The following ADAM29 variants were observed in gnomAD, a reference collection of about 807,000 sequenced individuals.
The protein encoded by ADAM29 is ADAM metallopeptidase domain 29.
For missense variants in ADAM29, 969 were observed against 1,001.8 expected, an observed-to-expected ratio of 0.97 and a Z score of 0.44; for synonymous variants, 367 against 342.3, an observed-to-expected ratio of 1.07 and a Z score of -0.80.
At chr4:174,926,018 T>A (rs998106450) in intron 2 of ADAM29, among the ~76,000 whole-genome samples, 1 of 152,232 alleles carries the variant, frequency 6.6e-6, no homozygotes, top group African/African-American at 2.4e-5. Flanking sequence ...CTTTATTTCC[T>A]ATTTTGTGTA....
At chr4:174,947,784 C>T (rs1744938046) in intron 4 of ADAM29, among the ~76,000 whole-genome samples, 1 of 152,130 alleles carries the variant, frequency 6.6e-6, no homozygotes, top group Non-Finnish European at 1.5e-5. Flanking sequence ...AGATCATGTC[C>T]TGAATAACTT....
At chr4:174,954,341 CAT>C (rs531658992) in intron 4 of ADAM29, among the ~76,000 whole-genome samples, 29 of 152,252 alleles carry the variant, frequency 1.9e-4, no homozygotes, top group African/African-American at 5.5e-4. Context: ...AAACCAGACA[CAT>C]GTTTGAATCC....
intron 4 of ADAM29, among the ~76,000 whole-genome samples, chr4:174,965,508 T>TATCTATCTATC (rs1462507643): frequency 1.5e-4 from 23 of 151,864 alleles, no homozygotes; most frequent in African/African-American, 4.6e-4. Context: ...TCTATCTATC[T>TATCTATCTATC]ATCTATCTAT....
At chr4:174,950,458 C>G (rs1347930365) in intron 4 of ADAM29, among the ~76,000 whole-genome samples, 7 of 152,224 alleles carry the variant, frequency 4.6e-5, no homozygotes, top group African/African-American at 1.7e-4. Context: ...TCTCTGACTT[C>G]TCTACTGGAC....
rs1459625244 is a variant in ADAM29 at position 174,976,003 on chromosome 4, T to C, written c.478T>C (p.Ser160Pro). 6.2e-7 allele frequency: 1 copy of C among 1,613,762 alleles called. No individual in the cohort carries two copies. The highest frequency in any genetic ancestry group is 8.5e-7 in the Non-Finnish European group (1 of 1,179,988). ...YKMDSEEKQF[S>P]TMRSGFMQNE... ...GATGGACAGTGAGGAGAAACAATTT[T>C]CAACCATGAGATCCGGATTTATGCA... Residue 160 changes from serine (S) to proline (P), a missense_variant, in exon 5 of 5, where the codon TCA (serine) becomes CCA (proline). By Grantham distance (74) the Ser-to-Pro change is moderately conservative (BLOSUM62 -1). Coordinates refer to ENST00000359240, the MANE Select transcript of ADAM29 (RefSeq NM_014269.4).
chr4:174,938,791 A>C (rs1323570638), intron 4 of ADAM29, among the ~76,000 whole-genome samples: 3 of 152,136 alleles, frequency 2.0e-5, no homozygotes, highest in Non-Finnish European at 4.4e-5. Flanking sequence ...ACAGAATTTC[A>C]TTCTCCCAAA....
chr4:174,942,290 G>C (rs928117144), intron 4 of ADAM29, among the ~76,000 whole-genome samples: 1 of 152,184 alleles, frequency 6.6e-6, no homozygotes, highest in African/African-American at 2.4e-5. Context: ...TGCTCCAGTG[G>C]GAACTCTTTG....
intron 4 of ADAM29, among the ~76,000 whole-genome samples, chr4:174,973,211 A>G (rs1305113344): frequency 1.3e-5 from 2 of 152,246 alleles, no homozygotes; most frequent in Admixed American, 1.3e-4. Flanking sequence ...TAGACCAGTC[A>G]GAGCTCCAAC....
chr4:174,970,794 C>T (rs4129839), intron 4 of ADAM29, among the ~76,000 whole-genome samples: 28,735 of 152,048 alleles, frequency 0.19, 3,251 homozygotes, highest in East Asian at 0.32. Context: ...TGTTATCTTA[C>T]GATCCATTTT....
In ADAM29 at chr4:174,977,239, C is replaced by T. The variant is rs146793989; in HGVS notation, c.1714C>T (p.His572Tyr). 6.2e-7 allele frequency: 1 copy of T among 1,613,876 alleles called. No individual in the cohort carries two copies. Among genetic ancestry groups the T allele is most frequent in the Admixed American group, 1.7e-5 (1 of 60,006 alleles). ...IPNMSDHTTV[H>Y]WARFNDIMCW... is the part of the protein sequence containing the mutation. ...CAATATGAGTGATCATACTACTGTG[C>T]ATTGGGCTCGCTTCAATGACATAAT... The change falls in exon 5 of 5, where the codon CAT (histidine) becomes TAT (tyrosine). Residue 572 changes from histidine (H) to tyrosine (Y), a missense_variant. Physicochemically the swap from His to Tyr is moderately conservative, Grantham distance 83. Transcript: ENST00000359240.
At chr4:174,937,688 C>A (rs1038027943) in intron 4 of ADAM29, among the ~76,000 whole-genome samples, 13 of 152,148 alleles carry the variant, frequency 8.5e-5, no homozygotes, top group African/African-American at 2.9e-4. Flanking sequence ...AGTTCCTAAG[C>A]ATTTCAAATT....
intron 4 of ADAM29, among the ~76,000 whole-genome samples, chr4:174,965,492 T>TATC (rs1746098074): frequency 6.8e-6 from 1 of 146,702 alleles, no homozygotes; most frequent in Non-Finnish European, 1.5e-5. Context: ...ATCATCTATC[T>TATC]ATCTATCTAT....
intron 4 of ADAM29, 127 bp downstream of exon 4, chr4:174,937,140 A>T (rs1018074124): frequency 3.9e-5 from 6 of 152,036 alleles, no homozygotes; most frequent in African/African-American, 1.4e-4. Context: ...TTATGTAGAG[A>T]ACCAGTAAAA....
intron 4 of ADAM29, among the ~76,000 whole-genome samples, chr4:174,939,299 A>C (rs761544506): frequency 7.2e-5 from 11 of 152,174 alleles, no homozygotes; most frequent in Non-Finnish European, 4.4e-5. Flanking sequence ...ACATCAAAAC[A>C]CTGTCTAATT....
intron 4 of ADAM29, among the ~76,000 whole-genome samples, chr4:174,943,440 T>C (rs1470058754): frequency 6.6e-6 from 1 of 152,164 alleles, no homozygotes; most frequent in Non-Finnish European, 1.5e-5. Context: ...TCCACATAGC[T>C]TTGGAGGCTT....
rs529409556 is a variant in ADAM29 at position 174,918,624 on chromosome 4, C to T, written c.-557+153C>T. ...CAGACTAAACCCTCCAAATATCTGC[C>T]CAAACTTGCCCCATACCCTCTAAAA... On this transcript the variant is annotated intron_variant, in intron 1 of 4. Coordinates refer to ENST00000359240, the MANE Select transcript of ADAM29 (RefSeq NM_014269.4). Among the ~76,000 whole-genome samples the T allele has an allele frequency of 2.0e-5, 3 of 152,068 alleles. No individual in the cohort carries two copies. In the East Asian group the frequency reaches 5.8e-4, roughly 29 times the overall value.
intron 4 of ADAM29, among the ~76,000 whole-genome samples, chr4:174,956,700 A>G (rs1259640807): frequency 2.6e-5 from 4 of 151,668 alleles, no homozygotes; most frequent in African/African-American, 9.7e-5. Flanking sequence ...TCATGTGTTA[A>G]CTCTGAATTC....
intron 2 of ADAM29, among the ~76,000 whole-genome samples, chr4:174,930,528 C>G (rs891394644): frequency 1.3e-5 from 2 of 151,998 alleles, no homozygotes; most frequent in Non-Finnish European, 2.9e-5. Flanking sequence ...AATTTTGTAT[C>G]AAAACTTGGA....
At chr4:174,925,913 G>C (rs1216798506) in intron 2 of ADAM29, among the ~76,000 whole-genome samples, 2 of 152,120 alleles carry the variant, frequency 1.3e-5, no homozygotes, top group Non-Finnish European at 2.9e-5. Flanking sequence ...AGGTACAGAT[G>C]CTTCTGATAT....
Sources: allele counts gnomAD v4.1 joint callset (sites outside exome capture counted in the v4.1 genomes callset), GRCh38; gene constraint gnomAD v4.1.1; transcripts MANE v1.5; gene names NCBI Gene and HGNC (gene_info 2026-07-23, HGNC 2026-07-21).